Variants in MYO5A observed in about 807,000 individuals in gnomAD.
MYO5A encodes the protein myosin VA, also known as unconventional myosin-Va.
MYO5A carries 98 observed loss-of-function variants against 249.7 expected under a neutral mutation model. The ratio of observed to expected loss-of-function variants is 0.39; its 90% CI spans 0.33 to 0.46. The LOEUF is 0.46. Among genes scored for constraint, MYO5A ranks in the 20% least tolerant of loss-of-function variants. The pLI is 0.98. For synonymous variants in MYO5A, 778 were observed against 810.6 expected, an observed-to-expected ratio of 0.96 and a Z score of 0.68; for missense variants, 1,696 against 2,308.8, an observed-to-expected ratio of 0.73 and a Z score of 5.44.
At chr15:52,400,996 C>T (rs1041907499) in intron 9 of MYO5A, among the ~76,000 whole-genome samples, 2 of 151,636 alleles carry the variant, frequency 1.3e-5, no homozygotes, top group Non-Finnish European at 2.9e-5. Context: ...GATCACTTTC[C>T]TTCTGCCTAA....
intron 18 of MYO5A, among the ~76,000 whole-genome samples, chr15:52,379,033 CTG>C (rs1314451846): frequency 1.3e-5 from 2 of 152,206 alleles, no homozygotes; most frequent in Non-Finnish European, 1.5e-5. Context: ...CTGCAAAAAA[CTG>C]TTTTCTGAGC....
intron 39 of MYO5A, among the ~76,000 whole-genome samples, chr15:52,317,893 C>T (rs1219205291): frequency 6.6e-6 from 1 of 152,222 alleles, no homozygotes; most frequent in Non-Finnish European, 1.5e-5. Flanking sequence ...TCAATAGACA[C>T]ACAATCAGCA....
chr15:52,322,981 C>T (rs921197869), intron 37 of MYO5A, among the ~76,000 whole-genome samples: 8 of 152,038 alleles, frequency 5.3e-5, no homozygotes, highest in Non-Finnish European at 8.8e-5. Context: ...TCCCTCCCCC[C>T]GATTTTTGAT....
intron 1 of MYO5A, among the ~76,000 whole-genome samples, chr15:52,446,959 G>A (rs772581810): frequency 7.9e-5 from 12 of 152,196 alleles, no homozygotes; most frequent in Non-Finnish European, 1.8e-4. Flanking sequence ...AGAGGTGGAA[G>A]GAGAAAAGTC....
At chr15:52,403,506 T>C (rs2042851544) in intron 9 of MYO5A, among the ~76,000 whole-genome samples, 2 of 152,160 alleles carry the variant, frequency 1.3e-5, no homozygotes, top group Non-Finnish European at 2.9e-5. Context: ...GGCAAATCTA[T>C]AGAGGCAGAA....
At chr15:52,434,690 A>G (rs2075623033) in intron 1 of MYO5A, among the ~76,000 whole-genome samples, 1 of 152,258 alleles carries the variant, frequency 6.6e-6, no homozygotes, top group South Asian at 2.1e-4. Flanking sequence ...TCTTTCGAAT[A>G]CCACATTGAA....
chr15:52,368,319 C>T (rs2040916277), intron 22 of MYO5A, among the ~76,000 whole-genome samples: 1 of 152,160 alleles, frequency 6.6e-6, no homozygotes, highest in Non-Finnish European at 1.5e-5. Context: ...AAAGCCCCAG[C>T]TCTCTGTGGG....
Position 52,389,351 on chromosome 15 carries a change from T to A in MYO5A, c.1555A>T (p.Thr519Ser). 6.2e-7 allele frequency: 1 copy of A among 1,612,358 alleles called. No homozygotes were observed. The highest frequency in any genetic ancestry group is 8.5e-7 in the Non-Finnish European group (1 of 1,178,666). The stretch of plus-strand genomic sequence containing the variant: ...AATTTTTGGGCCCAGGTGTCATCTG[T>A]GCCTTTAGGCATCTATATTCATGGA... ...LDEECKMPKG[T>S]DDTWAQKLYN... is the part of the protein sequence containing the mutation. The change falls in exon 13 of 42, where the codon ACA becomes TCA. Residue 519 changes from threonine (T) to serine (S), a missense_variant. Thr to Ser is a moderately conservative substitution (Grantham distance 58). Coordinates refer to ENST00000399233, the MANE Select transcript of MYO5A (RefSeq NM_001382347.1).
intron 36 of MYO5A, among the ~76,000 whole-genome samples, chr15:52,327,366 A>G (rs2038658503): frequency 6.6e-6 from 1 of 152,214 alleles, no homozygotes; most frequent in South Asian, 2.1e-4. Flanking sequence ...GAAAGAAGCC[A>G]GATAGACATG....
At chr15:52,410,036 A>G (rs1054412804) in intron 6 of MYO5A, among the ~76,000 whole-genome samples, 2 of 152,326 alleles carry the variant, frequency 1.3e-5, no homozygotes, top group Non-Finnish European at 2.9e-5. Context: ...ATCATTTGGA[A>G]ATATGAGAGA....
chr15:52,315,955 C>G (rs1314355218), intron 40 of MYO5A, among the ~76,000 whole-genome samples: 2 of 151,962 alleles, frequency 1.3e-5, no homozygotes, highest in Non-Finnish European at 2.9e-5. Flanking sequence ...AGAAAGTTGG[C>G]TGGGCACTGT....
At chr15:52,358,554 A>G (rs1292306276) in intron 25 of MYO5A, among the ~76,000 whole-genome samples, 1 of 152,154 alleles carries the variant, frequency 6.6e-6, no homozygotes. Context: ...AATGCAGCAG[A>G]ACTAACACTG....
chr15:52,441,343 T>C (rs1264284937), intron 1 of MYO5A, among the ~76,000 whole-genome samples: 2 of 152,146 alleles, frequency 1.3e-5, no homozygotes, highest in Non-Finnish European at 2.9e-5. Context: ...TGTGTGTGTA[T>C]ACATAAATAA....
At chr15:52,430,868 T>C (rs1346060405) in intron 2 of MYO5A, among the ~76,000 whole-genome samples, 1 of 152,066 alleles carries the variant, frequency 6.6e-6, no homozygotes, top group Non-Finnish European at 1.5e-5. Context: ...GGAAGAATAA[T>C]AGAATGAACC....
At chr15:52,389,445 T>C in intron 12 of MYO5A, 82 bp from the exon 13 acceptor site, 2 of 1,380,342 alleles carry the variant, frequency 1.4e-6, no homozygotes, top group South Asian at 1.3e-5. Context: ...AAAGATCTTT[T>C]ATTTTTTTTT....
chr15:52,412,664 A>C (rs1308908473), intron 5 of MYO5A, among the ~76,000 whole-genome samples: 1 of 152,236 alleles, frequency 6.6e-6, no homozygotes, highest in Non-Finnish European at 1.5e-5. Flanking sequence ...TGCCTCTGCC[A>C]TATAAGCACT....
intron 19 of MYO5A, 21 bp from the exon 20 acceptor site, chr15:52,375,481 T>C (rs759889183): frequency 1.2e-6 from 2 of 1,613,734 alleles, no homozygotes; most frequent in East Asian, 2.2e-5. Flanking sequence ...AAAATAACAT[T>C]ATGTTGTCAG....
rs145716639 is a variant in MYO5A at position 52,492,606 on chromosome 15, C to A, written c.27+36174G>T. ...CTACTAGTTAGGGTGGTTGAGAACC[C>A]TCCCAAAATCCAAGTTCCCAGATGC... On this transcript the variant is annotated intron_variant, in intron 1 of 41. Coordinates refer to ENST00000399233, the MANE Select transcript of MYO5A (RefSeq NM_001382347.1). Among the ~76,000 whole-genome samples, 8 of 152,294 alleles carry A rather than the reference C, an allele frequency of 5.3e-5. No individual in the cohort carries two copies. The East Asian group carries it at 1.2e-3, about 22-fold the overall frequency.
rs58058940 is a variant in MYO5A, at chr15:52,329,905, A to ATTTTTTTTTTTTTTTTTTTTT, written c.4555+427_4555+447dup. ...AGGCATGTACCACCTCGCCTGGGTAATTTTTTTTTTTTTTTTTTTTTTTTT... is the reference window on the plus strand; with the variant it reads ...AGGCATGTACCACCTCGCCTGGGTAATTTTTTTTTTTTTTTTTTTTTTTTTTTTTTTTTTTTTTTTTTTTTT... On this transcript the variant is annotated intron_variant, in intron 35 of 41. Coordinates refer to ENST00000399233, the MANE Select transcript of MYO5A (RefSeq NM_001382347.1). Among the ~76,000 whole-genome samples, 42 of 119,748 alleles carry ATTTTTTTTTTTTTTTTTTTTT rather than the reference A, an allele frequency of 3.5e-4. 2 individuals carry two copies. Among genetic ancestry groups the ATTTTTTTTTTTTTTTTTTTTT allele is most frequent in the Non-Finnish European group, 5.3e-4 (33 of 61,894 alleles). 78.6% of individuals were successfully genotyped at this position (119,748 alleles called of 152,430 possible). A position where few individuals can be genotyped will look rare whatever the true frequency, so the allele number is the denominator to read the frequency against.
Sources: allele counts gnomAD v4.1 joint callset (sites outside exome capture counted in the v4.1 genomes callset), GRCh38; gene constraint gnomAD v4.1.1; transcripts MANE v1.5; gene names NCBI Gene and HGNC (gene_info 2026-07-23, HGNC 2026-07-21).